Variants in CA10 observed in about 807,000 individuals in gnomAD.
CA10 encodes carbonic anhydrase-related protein 10.
CA10 carries 14 observed loss-of-function variants against 44.2 expected under a neutral mutation model. The ratio of observed to expected loss-of-function variants is 0.32; its 90% CI spans 0.21 to 0.50. The LOEUF is 0.50. Among genes scored for constraint, CA10 ranks in the 20% least tolerant of loss-of-function variants. CA10 has a pLI of 0.99. For missense variants in CA10, 350 were observed against 409.7 expected, an observed-to-expected ratio of 0.85 and a Z score of 1.26; for synonymous variants, 159 against 141.6, an observed-to-expected ratio of 1.12 and a Z score of -0.87.
At chr17:51,889,716 A>T (rs753492986) in intron 3 of CA10, among the ~76,000 whole-genome samples, 1 of 152,208 alleles carries the variant, frequency 6.6e-6, no homozygotes, top group Non-Finnish European at 1.5e-5. Context: ...GAGCATTTCT[A>T]TCTTTGTCAG....
intron 2 of CA10, among the ~76,000 whole-genome samples, chr17:51,997,098 T>C (rs1985263734): frequency 6.6e-6 from 1 of 152,092 alleles, no homozygotes; most frequent in Non-Finnish European, 1.5e-5. Flanking sequence ...CCTTTAAGTT[T>C]TGGCTTATGT....
chr17:52,069,353 G>GCTC (rs1220578961), intron 2 of CA10, among the ~76,000 whole-genome samples: 1 of 152,126 alleles, frequency 6.6e-6, no homozygotes, highest in Non-Finnish European at 1.5e-5. Flanking sequence ...CTGGTAAGGG[G>GCTC]CTCCTTCCCT....
intron 4 of CA10, among the ~76,000 whole-genome samples, chr17:51,732,516 T>C (rs1916754437): frequency 1.3e-5 from 2 of 152,224 alleles, no homozygotes; most frequent in Non-Finnish European, 2.9e-5. Context: ...TTTGTCAGGC[T>C]GATCTGAATA....
intron 3 of CA10, among the ~76,000 whole-genome samples, chr17:51,779,174 G>A (rs911824201): frequency 6.6e-6 from 1 of 152,108 alleles, no homozygotes; most frequent in African/African-American, 2.4e-5. Flanking sequence ...TTCCAAAAAT[G>A]GGAGAAAGGT....
intron 3 of CA10, among the ~76,000 whole-genome samples, chr17:51,870,628 A>G (rs2143860198): frequency 6.6e-6 from 1 of 152,396 alleles, no homozygotes; most frequent in East Asian, 1.9e-4. Context: ...TTTATTATAT[A>G]TGAGCACTTA....
At chr17:51,984,453 A>G (rs1219845425) in intron 2 of CA10, among the ~76,000 whole-genome samples, 1 of 151,936 alleles carries the variant, frequency 6.6e-6, no homozygotes, top group Non-Finnish European at 1.5e-5. Context: ...AAAAAACTAG[A>G]GAAACAAGAA....
At chr17:51,804,137 CCT>C (rs1907040832) in intron 3 of CA10, among the ~76,000 whole-genome samples, 1 of 152,102 alleles carries the variant, frequency 6.6e-6, no homozygotes, top group African/African-American at 2.4e-5. Flanking sequence ...GTAAATTAGT[CCT>C]ATCTATGATG....
At chr17:51,992,807 C>CACTCA (rs1323594377) in intron 2 of CA10, among the ~76,000 whole-genome samples, 1 of 152,090 alleles carries the variant, frequency 6.6e-6, no homozygotes, top group African/African-American at 2.4e-5. Flanking sequence ...GATAGATGAG[C>CACTCA]ACTCAGTCTT....
intron 2 of CA10, among the ~76,000 whole-genome samples, chr17:51,998,493 G>T (rs1230370275): frequency 5.3e-5 from 8 of 151,944 alleles, no homozygotes; most frequent in Admixed American, 5.2e-4. Flanking sequence ...TATAAAATTA[G>T]AGCACCATCC....
chr17:51,889,996 C>T (rs1371170681), intron 3 of CA10, among the ~76,000 whole-genome samples: 1 of 152,130 alleles, frequency 6.6e-6, no homozygotes. Flanking sequence ...CCGATGAACC[C>T]TTTACATTGA....
In CA10 at chr17:51,929,224, A is replaced by G. The variant is rs73987315; in HGVS notation, c.279+1766T>C. 1.9e-3 allele frequency among the ~76,000 whole-genome samples: 291 copies of G among 152,012 alleles called. 3 individuals carry two copies. Among genetic ancestry groups the G allele is most frequent in the African/African-American group, 6.8e-3 (280 of 41,478 alleles). ...AATTTTAGGGAGAAGCTGTGTTGAC[A>G]TTTTTTTCTTTCACATCAACATTTT... On this transcript the variant is annotated intron_variant, in intron 3 of 8. Transcript: ENST00000451037.
intron 3 of CA10, among the ~76,000 whole-genome samples, chr17:51,874,824 T>C (rs1164687036): frequency 6.6e-6 from 1 of 152,162 alleles, no homozygotes; most frequent in Admixed American, 6.5e-5. Context: ...AGAGTGTCTG[T>C]TTTACCCAAG....
At chr17:51,731,338 C>G (rs1447469086) in intron 4 of CA10, among the ~76,000 whole-genome samples, 1 of 152,132 alleles carries the variant, frequency 6.6e-6, no homozygotes, top group Admixed American at 6.5e-5. Flanking sequence ...GATTGTACCA[C>G]TGCACTCCAG....
intron 4 of CA10, among the ~76,000 whole-genome samples, chr17:51,669,812 C>G (rs1320176856): frequency 2.0e-5 from 3 of 152,216 alleles, no homozygotes; most frequent in Non-Finnish European, 2.9e-5. Context: ...TGGCTTCATT[C>G]TTGAAGTCAG....
At chr17:52,111,854 T>C (rs1988794528) in intron 1 of CA10, among the ~76,000 whole-genome samples, 1 of 152,144 alleles carries the variant, frequency 6.6e-6, no homozygotes, top group Admixed American at 6.5e-5. Context: ...TAGGGACAAA[T>C]AAAAAGGAGC....
At chr17:52,032,975 T>C (rs149809205) in intron 2 of CA10, among the ~76,000 whole-genome samples, 267 of 152,272 alleles carry the variant, frequency 1.8e-3, no homozygotes, top group Non-Finnish European at 3.2e-3. Context: ...AGAACCCTAA[T>C]TGAAGTATAC....
chr17:52,139,478 A>G (rs1252438588), intron 1 of CA10, among the ~76,000 whole-genome samples: 1 of 146,884 alleles, frequency 6.8e-6, no homozygotes, highest in East Asian at 2.0e-4. Flanking sequence ...GAAATAATGC[A>G]TTTCCATCCC....
In CA10 at chr17:51,633,774, G is replaced by A. The variant is rs374357305; in HGVS notation, c.790-124C>T. ...GCTGTATGAGGAAAGGGCTGTATAA[G>A]CCCCACAGAGTCCCTTTTTTCCATG... On this transcript the variant is annotated intron_variant, in intron 7 of 8. Transcript: ENST00000451037. 7 of 988,094 alleles carry A rather than the reference G, an allele frequency of 7.1e-6. No homozygotes were observed. The African/African-American group carries it at 1.1e-4, about 16-fold the overall frequency. The allele number at this position is 988,094 out of a possible 1,614,324, so 61.2% of individuals were successfully genotyped here.
At position 51,786,819 on chromosome 17, in the gene CA10, T is replaced by C. The variant is rs148547045; in HGVS notation, c.280-39001A>G. Among the ~76,000 whole-genome samples, 621 of 152,310 alleles carry C rather than the reference T, an allele frequency of 4.1e-3. 5 individuals are homozygous for C. Among genetic ancestry groups the C allele is most frequent in the African/African-American group, 0.014 (596 of 41,570 alleles). On this transcript the variant is annotated intron_variant, in intron 3 of 8. Coordinates refer to ENST00000451037, the MANE Select transcript of CA10 (RefSeq NM_020178.5). ...TGATACTAGATGTGGGTCTGTCATA[T>C]ATAGCTTTTATTATGGTGAGGTACG...
Sources: gnomAD v4.1 joint callset for allele counts (sites outside exome capture counted in the v4.1 genomes callset) on GRCh38, gnomAD v4.1.1 for gene constraint, MANE v1.5 for transcripts, NCBI Gene and HGNC (gene_info 2026-07-23, HGNC 2026-07-21) for gene names.